ERMP1: variants seen among roughly 807,000 people sequenced by gnomAD.
The protein encoded by ERMP1 is endoplasmic reticulum metallopeptidase 1, also known as Felix-ina.
ERMP1 carries 86 observed loss-of-function variants against 92.0 expected under a neutral mutation model. The observed-to-expected ratio is 0.93, with a 90% CI of 0.79 to 1.12. The LOEUF is 1.12. Ranked by LOEUF, ERMP1 falls within the 50% of genes most tolerant of loss-of-function variation. The probability of loss-of-function intolerance (pLI) is 0.00; values close to 1 mark genes in which losing one functional copy is unlikely to be tolerated. For synonymous variants in ERMP1, 530 were observed against 412.8 expected (o/e 1.28, Z -3.44); for missense variants, 1,342 against 1,116.3 (o/e 1.20, Z -2.88).
intron 6 of ERMP1, among the ~76,000 whole-genome samples, chr9:5,852,450 T>C (rs1330923183): frequency 6.6e-6 from 1 of 151,884 alleles, no homozygotes; most frequent in African/African-American, 2.4e-5. Context: ...GAGATGGTCT[T>C]TTGCCATGTT....
chr9:5,835,432 T>A (rs574312505), upstream of ERMP1, among the ~76,000 whole-genome samples: 8 of 152,330 alleles, frequency 5.3e-5, no homozygotes, highest in African/African-American at 1.9e-4. Context: ...AAATTGAGAC[T>A]GACAAAAGCT....
intron 4 of ERMP1, among the ~76,000 whole-genome samples, chr9:5,820,073 C>T (rs1411581519): frequency 1.3e-5 from 2 of 152,052 alleles, no homozygotes; most frequent in African/African-American, 4.8e-5. Context: ...ACTGAGTGGG[C>T]CGATCACCTG....
At chr9:5,791,402 T>C (rs1021713754) in intron 13 of ERMP1, 36 of 440,862 alleles carry the variant, frequency 8.2e-5, no homozygotes, top group South Asian at 5.6e-4. Flanking sequence ...TGAGGCTCAC[T>C]TGCATTATGG....
intron 8 of ERMP1, among the ~76,000 whole-genome samples, chr9:5,809,219 A>C (rs1044908155): frequency 1.5e-4 from 22 of 151,086 alleles, no homozygotes. Flanking sequence ...ACGGGGTTTC[A>C]CCGTGTTAGC....
chr9:5,851,767 A>G (rs528209072), intron 6 of ERMP1, among the ~76,000 whole-genome samples: 3 of 152,212 alleles, frequency 2.0e-5, no homozygotes. Context: ...CTTCACACAC[A>G]TACACCCCAC....
intron 5 of ERMP1, among the ~76,000 whole-genome samples, chr9:5,860,260 G>T (rs796264782): frequency 8.6e-5 from 13 of 151,186 alleles, no homozygotes; most frequent in Admixed American, 4.0e-4. Flanking sequence ...AGCTGTAATT[G>T]TGCCACTGTC....
At position 5,809,970 on chromosome 9, in the gene ERMP1, G is replaced by T. The variant is rs371583680; in HGVS notation, c.1548+41C>A. The stretch of plus-strand genomic sequence containing the variant: ...CACTTAAGTTCATCTTCAGTCCCTG[G>T]AGGCAACAGAAAGAAATCAACAAAT... On this transcript the variant is annotated intron_variant, in intron 8 of 14. Coordinates refer to ENST00000339450, the MANE Select transcript of ERMP1 (RefSeq NM_024896.3). 14 of 1,349,702 alleles carry T rather than the reference G, an allele frequency of 1.0e-5. No individual in the cohort carries two copies. The African/African-American group carries it at 2.0e-4, about 19-fold the overall frequency. 83.6% of individuals were successfully genotyped at this position (1,349,702 alleles called of 1,614,324 possible).
At chr9:5,834,979 GTGTGTGT>G (rs1830073217), upstream of ERMP1, among the ~76,000 whole-genome samples, 10 of 13,952 alleles carry the variant, frequency 7.2e-4, no homozygotes, top group East Asian at 9.4e-3. Flanking sequence ...ATAGATAGAT[GTGTGTGT>G]GTGTGTGTGT....
chr9:5,813,186 A>G (rs1485629441), intron 4 of ERMP1, 151 bp from the exon 5 acceptor site: 12 of 725,390 alleles, frequency 1.7e-5, no homozygotes, highest in African/African-American at 3.6e-5. Flanking sequence ...GTAGTTTCCA[A>G]TGTTTCTCTG....
chr9:5,816,512 T>C (rs1371601229), intron 4 of ERMP1, among the ~76,000 whole-genome samples: 1 of 152,242 alleles, frequency 6.6e-6, no homozygotes, highest in Non-Finnish European at 1.5e-5. Context: ...TGGATTCAGT[T>C]TGCTAATACT....
At chr9:5,828,630 C>G (rs1586822268) in intron 2 of ERMP1, among the ~76,000 whole-genome samples, 1 of 152,314 alleles carries the variant, frequency 6.6e-6, no homozygotes, top group Admixed American at 6.5e-5. Context: ...AGCCAGATTT[C>G]TAAGCCACCT....
chr9:5,836,679 C>T (rs569610943), upstream of ERMP1, among the ~76,000 whole-genome samples: 6 of 152,238 alleles, frequency 3.9e-5, no homozygotes, highest in African/African-American at 1.4e-4. Context: ...GCTTGGGCGT[C>T]AGGGTGCTGT....
chr9:5,785,177 G>C lies in ERMP1; in HGVS notation c.*1967C>G, dbSNP rs1170393877. 6.6e-6 allele frequency: 1 copy of C among 151,946 alleles called. No homozygotes were observed. Among genetic ancestry groups the C allele is most frequent in the Non-Finnish European group, 1.5e-5 (1 of 68,002 alleles). 9.4% of individuals were successfully genotyped at this position (151,946 alleles called of 1,614,324 possible). On this transcript the variant is annotated 3_prime_UTR_variant, in exon 15 of 15. Transcript: ENST00000339450. Reference sequence around the variant, plus strand: ...AAGAAAACCAAAACAAAAGACAATGGTTTACACAGGGAAATAACCCTAAGG... The same window carrying C: ...AAGAAAACCAAAACAAAAGACAATGCTTTACACAGGGAAATAACCCTAAGG...
chr9:5,823,973 G>T lies in ERMP1; in HGVS notation c.797C>A (p.Pro266His). 6.2e-7 allele frequency: 1 copy of T among 1,614,026 alleles called. No individual in the cohort carries two copies. Residue 266 changes from proline (P) to histidine (H), a missense_variant, in exon 4 of 15, where the codon CCC becomes CAC. Pro to His is a moderately conservative substitution (Grantham distance 77, BLOSUM62 -2). Transcript: ENST00000339450. The part of the protein sequence containing the change: ...QASHGFITQH[P>H]WASLIRAFIN... ...GAATGCACGAATCAAGCTAGCCCAGGGGTGCTGAGTAATGAAACCATGACT... is the reference window on the plus strand; with the variant it reads ...GAATGCACGAATCAAGCTAGCCCAGTGGTGCTGAGTAATGAAACCATGACT...
intron 9 of ERMP1, 92 bp from the exon 10 acceptor site, chr9:5,805,309 G>A (rs1408012369): frequency 1.3e-5 from 12 of 959,340 alleles, no homozygotes; most frequent in Admixed American, 8.5e-5. Flanking sequence ...TACCCTAACA[G>A]AAATTAGGTT....
In ERMP1 at chr9:5,786,919, A is replaced by T. The variant is rs1018004167; in HGVS notation, c.*225T>A. 4.8e-6 allele frequency: 2 copies of T among 413,584 alleles called. No individual in the cohort carries two copies. The highest frequency in any genetic ancestry group is 7.0e-4 in the Middle Eastern group (1 of 1,436). 25.6% of individuals were successfully genotyped at this position (413,584 alleles called of 1,614,324 possible). ...GTAGTGGCAGTACCCACATGTGCTG[A>T]AGTGCCAAAAGACTGGCATTTTCAA... On this transcript the variant is annotated 3_prime_UTR_variant, in exon 15 of 15. Coordinates refer to ENST00000339450, the MANE Select transcript of ERMP1 (RefSeq NM_024896.3).
chr9:5,862,561 G>A (rs572706218), intron 5 of ERMP1, among the ~76,000 whole-genome samples: 3 of 152,194 alleles, frequency 2.0e-5, no homozygotes, highest in Admixed American at 6.5e-5. Context: ...TGCCAAGGCT[G>A]GTCTTAAAGT....
At chr9:5,825,353 T>C in intron 2 of ERMP1, 134 bp from the exon 3 acceptor site, 8 of 830,380 alleles carry the variant, frequency 9.6e-6, no homozygotes, top group African/African-American at 1.7e-5. Context: ...AGCTCTGTCA[T>C]CATCAGGTGA....
chr9:5,861,389 G>C (rs1811378039), intron 5 of ERMP1, among the ~76,000 whole-genome samples: 2 of 152,028 alleles, frequency 1.3e-5, no homozygotes, highest in African/African-American at 4.8e-5. Flanking sequence ...GTACAGGGTT[G>C]AGTTTTCAAA....
Sources: gnomAD v4.1 joint callset for allele counts (sites outside exome capture counted in the v4.1 genomes callset) on GRCh38, gnomAD v4.1.1 for gene constraint, MANE v1.5 for transcripts, NCBI Gene and HGNC (gene_info 2026-07-23, HGNC 2026-07-21) for gene names.